The following NDUFV3 variants were observed in gnomAD, a reference collection of about 807,000 sequenced individuals.
NDUFV3 encodes NADH:ubiquinone oxidoreductase subunit V3.
In NDUFV3, 44 loss-of-function variants were observed where a neutral mutation model predicts 37.5. That is an observed-to-expected ratio of 1.17 (90% CI 0.92 to 1.51). NDUFV3 has a LOEUF of 1.51. Ranked by LOEUF, NDUFV3 falls within the 40% of genes most tolerant of loss-of-function variation. The probability of loss-of-function intolerance (pLI) is 0.00; values close to 1 mark genes in which losing one functional copy is unlikely to be tolerated. For synonymous variants in NDUFV3, 235 were observed against 239.3 expected, an observed-to-expected ratio of 0.98 and a Z score of 0.17; for missense variants, 580 against 580.4, an observed-to-expected ratio of 1.00 and a Z score of 0.01.
rs373783778 is a variant in NDUFV3 at position 42,903,611 on chromosome 21, G to A, written c.599G>A (p.Arg200Gln). 9.1e-5 allele frequency: 147 copies of A among 1,613,784 alleles called. No individual in the cohort carries two copies. Among genetic ancestry groups the A allele is most frequent in the Non-Finnish European group, 1.1e-4 (134 of 1,180,018 alleles). ...CATTCCTTTGAAAACAGAGCCCCCC[G>A]AGTTACAGTATCAGCAAAAGAGAAA... ...ASHSFENRAP[R>Q]VTVSAKEKTL... is the part of the protein sequence containing the mutation. Residue 200 changes from arginine (R) to glutamine (Q), a missense_variant, in exon 3 of 4, where the codon CGA becomes CAA. Arg to Gln is a conservative substitution (Grantham distance 43). Transcript: ENST00000354250.
In NDUFV3 at chr21:42,903,366, A is replaced by G. The variant is rs1422056432; in HGVS notation, c.354A>G (p.Arg118=). 6 of 1,614,056 alleles carry G rather than the reference A, an allele frequency of 3.7e-6. No individual in the cohort carries two copies. The South Asian group carries it at 4.4e-5, about 12-fold the overall frequency. The part of the protein sequence containing the change: ...TDEGVPKFLS[R]KTLVEFPQKV... Reference sequence around the variant, plus strand: ...AAGGGGTTCCGAAATTTTTGTCAAGAAAGACTTTGGTAGAGTTTCCACAGA... The same window carrying G: ...AAGGGGTTCCGAAATTTTTGTCAAGGAAGACTTTGGTAGAGTTTCCACAGA... Residue 118 remains arginine (R), a synonymous_variant, in exon 3 of 4, where the codon AGA becomes AGG. Transcript: ENST00000354250.
chr21:42,897,809 T>C (rs1247193184), intron 2 of NDUFV3, among the ~76,000 whole-genome samples: 3 of 152,140 alleles, frequency 2.0e-5, no homozygotes, highest in Non-Finnish European at 4.4e-5. Flanking sequence ...CCTGAGTAGC[T>C]GGGACTACAG....
intron 3 of NDUFV3, among the ~76,000 whole-genome samples, chr21:42,908,385 AAT>A (rs1252240298): frequency 1.3e-5 from 2 of 151,858 alleles, no homozygotes; most frequent in Non-Finnish European, 2.9e-5. Flanking sequence ...ACTTCCAAGT[AAT>A]ATCTTTCTTT....
intron 2 of NDUFV3, among the ~76,000 whole-genome samples, chr21:42,902,694 G>T (rs563123045): frequency 3.1e-4 from 47 of 152,280 alleles, no homozygotes; most frequent in African/African-American, 1.0e-3. Flanking sequence ...TGTGAGATAG[G>T]CCTACACAGC....
chr21:42,894,486 T>TA (rs1317277740), intron 1 of NDUFV3, among the ~76,000 whole-genome samples: 3 of 86,854 alleles, frequency 3.5e-5, no homozygotes, highest in African/African-American at 1.7e-4. Flanking sequence ...TATATTTATA[T>TA]ATTTATATAA....
chr21:42,894,535 C>G (rs2058682157), intron 1 of NDUFV3, among the ~76,000 whole-genome samples: 1 of 79,468 alleles, frequency 1.3e-5, no homozygotes, highest in Non-Finnish European at 2.2e-5. Flanking sequence ...TAATATATAT[C>G]ATAATATAAT....
intron 3 of NDUFV3, chr21:42,906,866 T>TA (rs766890678): frequency 3.7e-5 from 19 of 518,876 alleles, no homozygotes; most frequent in African/African-American, 2.7e-4. Context: ...CCGAAGATAC[T>TA]CACCTTGTGG....
At chr21:42,908,639 AC>A (rs1259441875) in intron 3 of NDUFV3, among the ~76,000 whole-genome samples, 1 of 125,710 alleles carries the variant, frequency 8.0e-6, no homozygotes, top group African/African-American at 2.8e-5. Flanking sequence ...GTAGGTAAGC[AC>A]CTGTGTGTGA....
At position 42,904,086 on chromosome 21, in the gene NDUFV3, G is replaced by C. The variant is rs1568859982; in HGVS notation, c.1074G>C (p.Gln358His). ...CCAGAAAGGAAACCTCAGGGACGCA[G>C]GGAATAGAAGGCCACCTGAAGGGTG... ...PLPRKETSGTQGIEGHLKGGQ... is the reference protein window; with the variant it reads ...PLPRKETSGTHGIEGHLKGGQ... The change falls in exon 3 of 4, where the codon CAG becomes CAC. Residue 358 changes from glutamine to histidine, a missense_variant. By Grantham distance (24) the Gln-to-His change is conservative. Transcript: ENST00000354250. The C allele has an allele frequency of 6.2e-7, 1 of 1,614,236 alleles. No individual in the cohort carries two copies. The highest frequency in any genetic ancestry group is 1.6e-4 in the Middle Eastern group (1 of 6,062).
intron 2 of NDUFV3, among the ~76,000 whole-genome samples, chr21:42,900,716 A>C (rs1312583613): frequency 6.6e-6 from 1 of 152,192 alleles, no homozygotes; most frequent in Non-Finnish European, 1.5e-5. Flanking sequence ...CATGCAAGTG[A>C]GGTACCCAAA....
At chr21:42,894,993 A>T (rs2058684355) in intron 1 of NDUFV3, among the ~76,000 whole-genome samples, 1 of 152,136 alleles carries the variant, frequency 6.6e-6, no homozygotes, top group African/African-American at 2.4e-5. Flanking sequence ...GTTTTTATAT[A>T]CCTACATCAT....
Position 42,903,169 on chromosome 21 carries a change from T to G in NDUFV3, c.170-13T>G, listed in dbSNP as rs1373850115. On this transcript the variant is annotated splice_polypyrimidine_tract_variant and intron_variant, in intron 2 of 3. Transcript: ENST00000354250. ...TTTTGTTAAATAACATTCCTCTTTATGCCGTTTCCCAGATGTAGTGGAACC... is the reference window on the plus strand; with the variant it reads ...TTTTGTTAAATAACATTCCTCTTTAGGCCGTTTCCCAGATGTAGTGGAACC... 2 of 1,614,168 alleles carry G rather than the reference T, an allele frequency of 1.2e-6. No homozygotes were observed. The highest frequency in any genetic ancestry group is 1.1e-5 in the South Asian group (1 of 91,084).
At position 42,894,415 on chromosome 21, in the gene NDUFV3, AATATATT is replaced by A. The variant is rs1425948434; in HGVS notation, c.48+1040_48+1046del. 1.1e-4 allele frequency among the ~76,000 whole-genome samples: 5 copies of A among 47,274 alleles called. 2 individuals carry two copies. Among genetic ancestry groups the A allele is most frequent in the African/African-American group, 4.6e-4 (2 of 4,318 alleles). 31.0% of individuals were successfully genotyped at this position (47,274 alleles called of 152,430 possible). The stretch of plus-strand genomic sequence containing the variant: ...TATATTATATATTTATATAATATAT[AATATATT>A]ATATAAATATATATTATATAATATA... On this transcript the variant is annotated intron_variant, in intron 1 of 3. Transcript: ENST00000354250.
At chr21:42,907,429 G>A (rs1013776103) in intron 3 of NDUFV3, among the ~76,000 whole-genome samples, 1 of 149,766 alleles carries the variant, frequency 6.7e-6, no homozygotes, top group Non-Finnish European at 1.5e-5. Flanking sequence ...GACTACAGGT[G>A]TGCCACCATG....
In NDUFV3 at chr21:42,893,333, C is replaced by T. The variant is rs772876038; in HGVS notation, c.-1C>T. ...TGCTTGGTGCGCCCGCTGTCACCGC[C>T]ATGGCTGCCCCGTGTTTGCTGCGGC... On this transcript the variant is annotated 5_prime_UTR_variant, in exon 1 of 4. Coordinates refer to ENST00000354250, the MANE Select transcript of NDUFV3 (RefSeq NM_021075.4). 1.2e-4 allele frequency: 187 copies of T among 1,538,214 alleles called. No individual in the cohort carries two copies. The highest frequency in any genetic ancestry group is 1.6e-4 in the Non-Finnish European group (181 of 1,146,392).
intron 1 of NDUFV3, among the ~76,000 whole-genome samples, chr21:42,896,592 A>G (rs1334332176): frequency 1.3e-5 from 2 of 151,382 alleles, no homozygotes; most frequent in East Asian, 1.9e-4. Context: ...CCAGCACTTC[A>G]GGAGGCCGGG....
Position 42,911,662 on chromosome 21 carries a change from A to G in NDUFV3, c.*2641A>G, listed in dbSNP as rs1162416864. ...CAAGAGATCTGCCTGCCTCGGCCCC[A>G]GAAAGTTCTGGGATTGCAGGCGTGA... On this transcript the variant is annotated 3_prime_UTR_variant, in exon 4 of 4. Coordinates refer to ENST00000354250, the MANE Select transcript of NDUFV3 (RefSeq NM_021075.4). The G allele has an allele frequency of 6.6e-6, 1 of 151,958 alleles. No homozygotes were observed. The highest frequency in any genetic ancestry group is 1.5e-5 in the Non-Finnish European group (1 of 68,006). The allele number at this position is 151,958 out of a possible 1,614,324, so 9.4% of individuals were successfully genotyped here.
chr21:42,902,209 A>G (rs1220524453), intron 2 of NDUFV3, among the ~76,000 whole-genome samples: 1 of 152,214 alleles, frequency 6.6e-6, no homozygotes, highest in Non-Finnish European at 1.5e-5. Context: ...ACTCCATTTC[A>G]AAAGAAGAAT....
At position 42,904,203 on chromosome 21, in the gene NDUFV3, G is replaced by C; in HGVS notation, c.1191G>C (p.Ala397=). 6.2e-7 allele frequency: 1 copy of C among 1,614,050 alleles called. No individual in the cohort carries two copies. The highest frequency in any genetic ancestry group is 1.1e-5 in the South Asian group (1 of 91,058). The change falls in exon 3 of 4, where the codon GCG becomes GCC. Residue 397 remains alanine (A), a synonymous_variant. Coordinates refer to ENST00000354250, the MANE Select transcript of NDUFV3 (RefSeq NM_021075.4). Reference sequence around the variant, plus strand: ...ACGGTTTCCATGAAAAGACAGCAGCGCTGAAGCTTGAGGCCGAGGGCGAGG... The same window carrying C: ...ACGGTTTCCATGAAAAGACAGCAGCCCTGAAGCTTGAGGCCGAGGGCGAGG... ...NNHGFHEKTA[A]LKLEAEGEAM...
Sources: allele counts gnomAD v4.1 joint callset (sites outside exome capture counted in the v4.1 genomes callset), GRCh38; gene constraint gnomAD v4.1.1; transcripts MANE v1.5; gene names NCBI Gene and HGNC (gene_info 2026-07-23, HGNC 2026-07-21).